PCDHA3: variants seen among roughly 807,000 people sequenced by gnomAD.
PCDHA3 encodes the protein protocadherin alpha 3.
In PCDHA3, 41 loss-of-function variants were observed where a neutral mutation model predicts 62.2. The ratio of observed to expected loss-of-function variants is 0.66; its 90% confidence interval spans 0.51 to 0.86. PCDHA3 has a LOEUF of 0.86. Ranked by LOEUF, PCDHA3 falls within the 40% of genes least tolerant of loss-of-function variation. PCDHA3 has a pLI of 0.00. For missense variants in PCDHA3, 1,304 were observed against 1,241.2 expected, an observed-to-expected ratio of 1.05 and a Z score of -0.76; for synonymous variants, 640 against 555.4, an observed-to-expected ratio of 1.15 and a Z score of -2.14.
intron 1 of PCDHA3, chr5:140,836,297 T>G (rs2150257087): frequency 1.2e-6 from 2 of 1,613,576 alleles, no homozygotes; most frequent in African/African-American, 1.3e-5. Context: ...GAGCCCTAGA[T>G]GAGACGGACG....
intron 1 of PCDHA3, chr5:140,822,960 G>A (rs1268599486): frequency 9.3e-6 from 15 of 1,614,106 alleles, no homozygotes; most frequent in Non-Finnish European, 1.1e-5. Flanking sequence ...TTCCCTTCAA[G>A]CTGGTGTCCA....
intron 1 of PCDHA3, among the ~76,000 whole-genome samples, chr5:140,945,295 T>G (rs2093770302): frequency 6.6e-6 from 1 of 152,084 alleles, no homozygotes; most frequent in Non-Finnish European, 1.5e-5. Flanking sequence ...TGAAAGAAAT[T>G]GAAGAAGACA....
chr5:140,827,680 C>A (rs2150148724), intron 1 of PCDHA3, among the ~76,000 whole-genome samples: 1 of 152,178 alleles, frequency 6.6e-6, no homozygotes, highest in Admixed American at 6.5e-5. Context: ...CTTAAATTTG[C>A]TGAACTGGTT....
intron 1 of PCDHA3, 130 bp downstream of exon 1, chr5:140,803,721 TGG>T: frequency 1.4e-6 from 2 of 1,476,862 alleles, no homozygotes; most frequent in Non-Finnish European, 1.8e-6. Context: ...TCCAGTTTTG[TGG>T]TTTTGTGGTT....
chr5:140,829,134 C>A (rs2150162893), intron 1 of PCDHA3: 1 of 1,613,168 alleles, frequency 6.2e-7, no homozygotes. Flanking sequence ...GATAACGTCC[C>A]TGAGATAGCA....
At chr5:140,914,583 A>C (rs1583912822) in intron 1 of PCDHA3, among the ~76,000 whole-genome samples, 1 of 151,992 alleles carries the variant, frequency 6.6e-6, no homozygotes, top group East Asian at 1.9e-4. Flanking sequence ...CAATAATTTC[A>C]TTTAAGTAGG....
At chr5:140,857,886 C>T in intron 1 of PCDHA3, 1 of 1,597,776 alleles carries the variant, frequency 6.3e-7, no homozygotes. Context: ...TTGCAGTCGG[C>T]GGCGGTTGGT....
At chr5:140,835,184 A>G in intron 1 of PCDHA3, 2 of 1,525,540 alleles carry the variant, frequency 1.3e-6, no homozygotes, top group Non-Finnish European at 1.8e-6. Flanking sequence ...CCAATGCCTC[A>G]GATTTAGACG....
At chr5:140,969,457 T>C (rs1554231852) in intron 1 of PCDHA3, 1 of 1,505,602 alleles carries the variant, frequency 6.6e-7, no homozygotes, top group Admixed American at 2.2e-5. Context: ...TGAGTATATA[T>C]AGTATCCACA....
chr5:140,926,652 C>T, intron 1 of PCDHA3: 1 of 499,312 alleles, frequency 2.0e-6, no homozygotes, highest in East Asian at 3.6e-5. Flanking sequence ...CGGCCGGCTC[C>T]GCTTTCCCAG....
chr5:140,927,516 C>G (rs782661477), intron 1 of PCDHA3: 22 of 1,614,066 alleles, frequency 1.4e-5, no homozygotes, highest in Non-Finnish European at 1.8e-5. Flanking sequence ...CTCGGGACGG[C>G]GGGCTACCTG....
intron 1 of PCDHA3, among the ~76,000 whole-genome samples, chr5:140,898,131 T>C (rs371489317): frequency 6.6e-6 from 1 of 152,156 alleles, no homozygotes; most frequent in Non-Finnish European, 1.5e-5. Context: ...TTCTCCCATT[T>C]TGTAGGTTGC....
intron 1 of PCDHA3, among the ~76,000 whole-genome samples, chr5:140,880,233 T>A (rs1040125802): frequency 6.6e-6 from 1 of 152,046 alleles, no homozygotes; most frequent in African/African-American, 2.4e-5. Flanking sequence ...TTTAAATTAG[T>A]GTATGTGCGT....
chr5:140,971,799 TTA>T (rs1435483264), intron 1 of PCDHA3, among the ~76,000 whole-genome samples: 2 of 152,164 alleles, frequency 1.3e-5, no homozygotes, highest in East Asian at 3.8e-4. Flanking sequence ...ATATTGAATA[TTA>T]TAATATTGAA....
At chr5:140,960,508 A>C (rs1026528724) in intron 1 of PCDHA3, among the ~76,000 whole-genome samples, 10 of 152,190 alleles carry the variant, frequency 6.6e-5, no homozygotes, top group Non-Finnish European at 1.3e-4. Context: ...TCCAAGCAGC[A>C]AACATAATGG....
In PCDHA3 at chr5:140,848,974, C is replaced by T. The variant is rs2150427496; in HGVS notation, c.2394+45383C>T. On this transcript the variant is annotated intron_variant, in intron 1 of 3. Coordinates refer to ENST00000522353, the MANE Select transcript of PCDHA3 (RefSeq NM_018906.3). ...TTTCCACTAGAGGGCGCGTCCGATG[C>T]AGATATCGGGGAGAACGCCCTGCTC... 302 of 1,600,986 alleles carry T rather than the reference C, an allele frequency of 1.9e-4. 1 individual carries two copies. The highest frequency in any genetic ancestry group is 2.4e-4 in the Non-Finnish European group (280 of 1,171,990).
In PCDHA3 at chr5:141,010,032, T is replaced by C. The variant is rs529237892; in HGVS notation, c.*95T>C. 6.3e-7 allele frequency: 1 copy of C among 1,582,368 alleles called. No individual in the cohort carries two copies. Among genetic ancestry groups the C allele is most frequent in the African/African-American group, 1.4e-5 (1 of 73,468 alleles). On this transcript the variant is annotated 3_prime_UTR_variant, in exon 4 of 4. Transcript: ENST00000522353. ...TCCCTGCTCCTTTTTCCTATCTACA[T>C]GAGCCCTCTTAGAGACCTCAGAAAT...
At chr5:140,856,659 A>C in intron 1 of PCDHA3, 1 of 1,598,186 alleles carries the variant, frequency 6.3e-7, no homozygotes, top group Non-Finnish European at 8.6e-7. Context: ...CGTGAAGAAA[A>C]TCCTCAGCTA....
chr5:140,889,029 G>A (rs540289378), intron 1 of PCDHA3, among the ~76,000 whole-genome samples: 8 of 151,946 alleles, frequency 5.3e-5, no homozygotes, highest in African/African-American at 1.2e-4. Flanking sequence ...TTGGATAACC[G>A]TAATTTGATT....
Sources: gnomAD v4.1 joint callset for allele counts (sites outside exome capture counted in the v4.1 genomes callset) on GRCh38, gnomAD v4.1.1 for gene constraint, MANE v1.5 for transcripts, NCBI Gene and HGNC (gene_info 2026-07-23, HGNC 2026-07-21) for gene names.